The following DPP10 variants were observed in gnomAD, a reference collection of about 807,000 sequenced individuals.
The protein encoded by DPP10 is dipeptidyl peptidase like 10, also known as inactive dipeptidyl peptidase 10.
DPP10 carries 33 observed loss-of-function variants against 120.9 expected under a neutral mutation model. The ratio of observed to expected loss-of-function variants is 0.27; its 90% CI spans 0.21 to 0.37. DPP10 has a LOEUF of 0.37. DPP10 is among the 10% of genes least tolerant of loss of function. The pLI is 1.00. For missense variants in DPP10, 816 were observed against 942.8 expected (o/e 0.87, Z 1.76); for synonymous variants, 337 against 326.1 (o/e 1.03, Z -0.36).
intron 1 of DPP10, among the ~76,000 whole-genome samples, chr2:114,696,595 A>G (rs1388195506): frequency 1.3e-5 from 2 of 152,052 alleles, no homozygotes; most frequent in African/African-American, 4.8e-5. Flanking sequence ...TTTTATTACT[A>G]CATGTCCCTT....
chr2:115,725,315 C>A, intron 7 of DPP10, among the ~76,000 whole-genome samples: 1 of 152,064 alleles, frequency 6.6e-6, no homozygotes. Context: ...ATTTTTGAAA[C>A]AAATACAACT....
chr2:114,595,482 C>T (rs1691831315), intron 1 of DPP10, among the ~76,000 whole-genome samples: 1 of 152,060 alleles, frequency 6.6e-6, no homozygotes, highest in African/African-American at 2.4e-5. Flanking sequence ...CCTATAAAGC[C>T]AACAAGACAC....
chr2:114,906,533 C>CA (rs1216922238), intron 1 of DPP10, among the ~76,000 whole-genome samples: 1 of 151,992 alleles, frequency 6.6e-6, no homozygotes, highest in African/African-American at 2.4e-5. Flanking sequence ...TGAGTAAGTT[C>CA]ACTAGTTTTC....
rs551991586 is a variant in DPP10 at position 114,524,718 on chromosome 2, T to A, written c.60+81880T>A. Among the ~76,000 whole-genome samples the A allele has an allele frequency of 2.0e-5, 3 of 152,260 alleles. No individual in the cohort carries two copies. In the South Asian group the frequency reaches 6.2e-4, roughly 32 times the overall value. On this transcript the variant is annotated intron_variant, in intron 1 of 25. Coordinates refer to ENST00000410059, the MANE Select transcript of DPP10 (RefSeq NM_020868.6). Reference sequence around the variant, plus strand: ...TAGGGATTTTAGAGGAAGAGGTGAATGACTGTCCAGGCATGCTAAGAGGAT... The same window carrying A: ...TAGGGATTTTAGAGGAAGAGGTGAAAGACTGTCCAGGCATGCTAAGAGGAT...
chr2:114,530,526 C>A (rs1045998790), intron 1 of DPP10, among the ~76,000 whole-genome samples: 2 of 152,040 alleles, frequency 1.3e-5, no homozygotes, highest in African/African-American at 4.8e-5. Flanking sequence ...GGGGCTCATT[C>A]AAAAACATTT....
At chr2:115,705,983 T>G (rs771553525) in intron 7 of DPP10, among the ~76,000 whole-genome samples, 2 of 151,562 alleles carry the variant, frequency 1.3e-5, no homozygotes, top group Non-Finnish European at 2.9e-5. Context: ...CTGTTTGGGT[T>G]TAATGGGGGG....
intron 1 of DPP10, among the ~76,000 whole-genome samples, chr2:114,886,632 A>G (rs1692093881): frequency 6.6e-6 from 1 of 152,232 alleles, no homozygotes; most frequent in Non-Finnish European, 1.5e-5. Flanking sequence ...AATCTGTGTT[A>G]GCATCTGCTC....
At chr2:115,262,111 TG>T (rs2059277205) in intron 1 of DPP10, among the ~76,000 whole-genome samples, 1 of 151,940 alleles carries the variant, frequency 6.6e-6, no homozygotes, top group South Asian at 2.1e-4. Flanking sequence ...TGAAGTAATT[TG>T]AAAAAAAAAT....
intron 1 of DPP10, among the ~76,000 whole-genome samples, chr2:114,518,205 A>C (rs1185795753): frequency 6.6e-6 from 1 of 150,626 alleles, no homozygotes; most frequent in African/African-American, 2.4e-5. Context: ...AACATCCTGA[A>C]TAGTTGGGAT....
chr2:115,402,852 A>ATAT (rs70941056), intron 3 of DPP10, among the ~76,000 whole-genome samples: 851 of 56,792 alleles, frequency 0.015, 7 homozygotes, highest in Non-Finnish European at 0.021. Context: ...GAAAAAAAAA[A>ATAT]AAATATATAT....
chr2:115,841,737 G>T (rs570173915), intron 25 of DPP10, among the ~76,000 whole-genome samples: 12 of 152,282 alleles, frequency 7.9e-5, no homozygotes, highest in African/African-American at 2.9e-4. Flanking sequence ...ATTGGAAAGG[G>T]AATTGTCAAA....
At chr2:114,659,249 G>A (rs562319741) in intron 1 of DPP10, among the ~76,000 whole-genome samples, 25 of 152,258 alleles carry the variant, frequency 1.6e-4, no homozygotes, top group Middle Eastern at 6.8e-3. Flanking sequence ...AATTGTATGT[G>A]GCAGGAGGGT....
At chr2:115,650,645 G>C (rs1236290644) in intron 5 of DPP10, among the ~76,000 whole-genome samples, 1 of 151,936 alleles carries the variant, frequency 6.6e-6, no homozygotes, top group African/African-American at 2.4e-5. Flanking sequence ...ATGACACACA[G>C]GTCCTTTCAC....
chr2:114,749,467 T>G (rs1678976008), intron 1 of DPP10, among the ~76,000 whole-genome samples: 1 of 152,118 alleles, frequency 6.6e-6, no homozygotes, highest in Non-Finnish European at 1.5e-5. Flanking sequence ...GCCATGTACC[T>G]CTTTTCTTAC....
At position 114,650,582 on chromosome 2, in the gene DPP10, T is replaced by C. The variant is rs114609394; in HGVS notation, c.60+207744T>C. ...TTTCCCTACATTAACTTTTCACTTA[T>C]TCAGAGCATCCCATTAGTTTACATG... On this transcript the variant is annotated intron_variant, in intron 1 of 25. Coordinates refer to ENST00000410059, the MANE Select transcript of DPP10 (RefSeq NM_020868.6). 4.7e-4 allele frequency among the ~76,000 whole-genome samples: 71 copies of C among 152,300 alleles called. 1 individual carries two copies. Among genetic ancestry groups the C allele is most frequent in the African/African-American group, 1.6e-3 (66 of 41,556 alleles).
intron 5 of DPP10, among the ~76,000 whole-genome samples, chr2:115,612,972 G>T (rs2084226039): frequency 6.6e-6 from 1 of 151,840 alleles, no homozygotes; most frequent in Admixed American, 6.6e-5. Flanking sequence ...TGTATAAAAT[G>T]GTACATAAAT....
intron 1 of DPP10, among the ~76,000 whole-genome samples, chr2:115,293,769 G>A (rs2060762520): frequency 6.6e-6 from 1 of 151,946 alleles, no homozygotes; most frequent in Non-Finnish European, 1.5e-5. Context: ...TTATGTTAGA[G>A]TCATAAACCC....
intron 15 of DPP10, among the ~76,000 whole-genome samples, chr2:115,780,525 C>T (rs1387452278): frequency 6.6e-6 from 1 of 151,406 alleles, no homozygotes; most frequent in African/African-American, 2.4e-5. Flanking sequence ...TGGGAAATTC[C>T]CTTTAAGACT....
At chr2:114,586,184 G>A (rs894283167) in intron 1 of DPP10, among the ~76,000 whole-genome samples, 61 of 152,274 alleles carry the variant, frequency 4.0e-4, no homozygotes, top group African/African-American at 1.4e-3. Context: ...TGGGGAGGTC[G>A]AGGCTCCAGT....
Sources: gnomAD v4.1 joint callset for allele counts (sites outside exome capture counted in the v4.1 genomes callset) on GRCh38, gnomAD v4.1.1 for gene constraint, MANE v1.5 for transcripts, NCBI Gene and HGNC (gene_info 2026-07-23, HGNC 2026-07-21) for gene names.